PINX1: variants seen among roughly 807,000 people sequenced by gnomAD.
The protein encoded by PINX1 is PIN2/TERF1-interacting telomerase inhibitor 1.
In PINX1, 34 loss-of-function variants were observed where a neutral mutation model predicts 25.4. The observed-to-expected ratio is 1.34, with a 90% CI of 1.02 to 1.78. The LOEUF is 1.78. PINX1 is among the 40% of genes most tolerant of loss of function. The probability of loss-of-function intolerance (pLI) is 0.00; values close to 1 mark genes in which losing one functional copy is unlikely to be tolerated. For synonymous variants in PINX1, 197 were observed against 147.7 expected (o/e 1.33, Z -2.42); for missense variants, 592 against 404.9 (o/e 1.46, Z -3.97).
At position 10,826,135 on chromosome 8, in the gene PINX1, G is replaced by C. The variant is rs771807814; in HGVS notation, c.394+17C>G. Reference sequence around the variant, plus strand: ...CACGTAGATTTCAATAACAAGTAAAGAAATGCTTAATCTTACCTTTTGTGA... The same window carrying C: ...CACGTAGATTTCAATAACAAGTAAACAAATGCTTAATCTTACCTTTTGTGA... On this transcript the variant is annotated intron_variant, in intron 5 of 6. Coordinates refer to ENST00000314787, the MANE Select transcript of PINX1 (RefSeq NM_017884.6). The C allele has an allele frequency of 3.6e-6, 5 of 1,401,932 alleles. No homozygotes were observed. Among genetic ancestry groups the C allele is most frequent in the African/African-American group, 2.9e-5 (2 of 69,702 alleles). The allele number at this position is 1,401,932 out of a possible 1,614,324, so 86.8% of individuals were successfully genotyped here. A position where few individuals can be genotyped will look rare whatever the true frequency, so the allele number is the denominator to read the frequency against.
At chr8:10,822,651 A>T (rs866535196) in intron 5 of PINX1, among the ~76,000 whole-genome samples, 1 of 152,250 alleles carries the variant, frequency 6.6e-6, no homozygotes, top group East Asian at 1.9e-4. Context: ...AGTCAGACAC[A>T]TTTACAATAC....
intron 6 of PINX1, among the ~76,000 whole-genome samples, chr8:10,769,411 G>A (rs775630451): frequency 5.9e-5 from 9 of 152,188 alleles, no homozygotes; most frequent in Non-Finnish European, 1.2e-4. Context: ...CAAATGGTAA[G>A]TGGGCCTTAA....
intron 1 of PINX1, 114 bp downstream of exon 1, chr8:10,839,624 C>A: frequency 1.9e-6 from 2 of 1,081,036 alleles, no homozygotes; most frequent in Non-Finnish European, 2.8e-6. Context: ...GTCCCCCGAT[C>A]CCATGCGCCA....
chr8:10,832,206 G>T (rs1036278970), intron 3 of PINX1, among the ~76,000 whole-genome samples: 3 of 152,124 alleles, frequency 2.0e-5, no homozygotes, highest in African/African-American at 7.2e-5. Context: ...AAACTCTGAG[G>T]AAGGGGAGGA....
chr8:10,779,339 A>G (rs745537269), intron 6 of PINX1, among the ~76,000 whole-genome samples: 17 of 152,276 alleles, frequency 1.1e-4, no homozygotes, highest in Admixed American at 3.3e-4. Context: ...ACAGAAGTCA[A>G]TGGACATATA....
chr8:10,775,146 T>C (rs1054558133), intron 6 of PINX1, among the ~76,000 whole-genome samples: 2 of 152,220 alleles, frequency 1.3e-5, no homozygotes, highest in Non-Finnish European at 2.9e-5. Flanking sequence ...TATAATCCTA[T>C]AACCTCTTCT....
intron 6 of PINX1, among the ~76,000 whole-genome samples, chr8:10,818,487 A>T (rs370614157): frequency 6.6e-6 from 1 of 152,170 alleles, no homozygotes; most frequent in Middle Eastern, 3.4e-3. Flanking sequence ...CAAACACATA[A>T]ATTCTCTTAA....
chr8:10,820,248 C>A lies in PINX1; in HGVS notation c.416G>T (p.Ser139Ile). ...AAAAATGCAGTCAAGATCTGTTTTG[C>A]TCCGAGATGACAGATCCTTCCCTAG... is the stretch of plus-strand genomic sequence containing the variant. ...FTKGKDLSSRSKTDLDCIFGK... is the reference protein window; with the variant it reads ...FTKGKDLSSRIKTDLDCIFGK... The change falls in exon 6 of 7, where the codon AGC becomes ATC. Residue 139 changes from serine to isoleucine, a missense_variant. Transcript: ENST00000314787. 1 of 1,612,268 alleles carries A rather than the reference C, an allele frequency of 6.2e-7. No individual in the cohort carries two copies. Among genetic ancestry groups the A allele is most frequent in the African/African-American group, 1.3e-5 (1 of 75,018 alleles).
intron 6 of PINX1, among the ~76,000 whole-genome samples, chr8:10,799,408 G>T (rs1413129350): frequency 6.6e-6 from 1 of 152,100 alleles, no homozygotes; most frequent in Non-Finnish European, 1.5e-5. Context: ...GGAAATGATG[G>T]GACAGACGTG....
At chr8:10,773,079 T>A (rs1315738494) in intron 6 of PINX1, among the ~76,000 whole-genome samples, 4 of 152,236 alleles carry the variant, frequency 2.6e-5, no homozygotes. Context: ...TTCTTTCTCA[T>A]TATACAAGTA....
At chr8:10,772,928 T>A (rs28476705) in intron 6 of PINX1, among the ~76,000 whole-genome samples, 4,840 of 54,912 alleles carry the variant, frequency 0.088, 92 homozygotes, top group Middle Eastern at 0.18. Context: ...TTTTTAATGA[T>A]TTTTTTTTTT....
At chr8:10,820,304 G>A (rs372526898) in intron 5 of PINX1, 35 bp from the exon 6 acceptor site, 13 of 1,445,822 alleles carry the variant, frequency 9.0e-6, no homozygotes, top group Non-Finnish European at 1.3e-5. Flanking sequence ...CAGTAAGACT[G>A]TTCTTCCTAA....
intron 6 of PINX1, among the ~76,000 whole-genome samples, chr8:10,785,525 G>A (rs953513135): frequency 2.6e-5 from 4 of 152,178 alleles, no homozygotes; most frequent in East Asian, 1.9e-4. Context: ...TCAAGCAATA[G>A]GATAGCACTC....
intron 4 of PINX1, among the ~76,000 whole-genome samples, chr8:10,827,087 G>A (rs1798075082): frequency 6.6e-6 from 1 of 152,208 alleles, no homozygotes; most frequent in South Asian, 2.1e-4. Flanking sequence ...CCACAGCAAT[G>A]TAATGTCTCT....
rs889660730 is a variant in PINX1 at position 10,765,275 on chromosome 8, C to T, written c.*126G>A. 2.4e-5 allele frequency: 20 copies of T among 844,858 alleles called. No homozygotes were observed. In the Admixed American group the frequency reaches 3.6e-4, roughly 15 times the overall value. The allele number at this position is 844,858 out of a possible 1,614,324, so 52.3% of individuals were successfully genotyped here. ...GGCGAGAGGGCAGGACTCGGCAGCC[C>T]ATGGGCATGCCACAAGATGCGCCCA... On this transcript the variant is annotated 3_prime_UTR_variant, in exon 7 of 7. Transcript: ENST00000314787.
At chr8:10,793,651 G>A (rs929943856) in intron 6 of PINX1, among the ~76,000 whole-genome samples, 2 of 152,042 alleles carry the variant, frequency 1.3e-5, no homozygotes, top group East Asian at 1.9e-4. Flanking sequence ...CCGCTGGAAC[G>A]GGGGCATTTG....
chr8:10,802,675 A>G (rs1802306428), intron 6 of PINX1, among the ~76,000 whole-genome samples: 1 of 152,152 alleles, frequency 6.6e-6, no homozygotes, highest in African/African-American at 2.4e-5. Context: ...CAGGCACTCT[A>G]CTGCTTCTAC....
intron 6 of PINX1, among the ~76,000 whole-genome samples, chr8:10,775,410 G>GTTTTTTTT (rs143926728): frequency 5.6e-4 from 61 of 109,590 alleles, no homozygotes; most frequent in East Asian, 2.5e-3. Flanking sequence ...CTGTTTTGTG[G>GTTTTTTTT]TTTTTTTTTT....
intron 4 of PINX1, 134 bp downstream of exon 4, chr8:10,831,531 G>T: frequency 1.5e-6 from 1 of 646,740 alleles, no homozygotes; most frequent in Non-Finnish European, 2.8e-6. Flanking sequence ...TACAAATTGT[G>T]CACAGGTATT....
Sources: allele counts gnomAD v4.1 joint callset (sites outside exome capture counted in the v4.1 genomes callset), GRCh38; gene constraint gnomAD v4.1.1; transcripts MANE v1.5; gene names NCBI Gene and HGNC (gene_info 2026-07-23, HGNC 2026-07-21).